The following MKX variants were observed in gnomAD, a reference collection of about 807,000 sequenced individuals.
The protein encoded by MKX is homeobox protein Mohawk.
MKX carries 13 observed loss-of-function variants against 36.0 expected under a neutral mutation model. The observed-to-expected ratio is 0.36, with a 90% confidence interval of 0.24 to 0.57. The LOEUF is 0.57. Among genes scored for constraint, MKX ranks in the 20% least tolerant of loss-of-function variants. MKX has a pLI of 0.79. For synonymous variants in MKX, 176 were observed against 178.3 expected, an observed-to-expected ratio of 0.99 and a Z score of 0.10; for missense variants, 458 against 456.4, an observed-to-expected ratio of 1.00 and a Z score of -0.03.
At chr10:27,739,819 ACT>A (rs1834855644) in intron 3 of MKX, among the ~76,000 whole-genome samples, 2 of 152,200 alleles carry the variant, frequency 1.3e-5, no homozygotes, top group African/African-American at 4.8e-5. Context: ...TATTCAGATA[ACT>A]CTATAAATTA....
At position 27,674,909 on chromosome 10, in the gene MKX, G is replaced by A. The variant is rs552011402; in HGVS notation, c.*320C>T. Reference sequence around the variant, plus strand: ...GCACACAGGCTAATAAGCATATGGCGTTGGCATTTTGAGGCATAGCTTGTT... The same window carrying A: ...GCACACAGGCTAATAAGCATATGGCATTGGCATTTTGAGGCATAGCTTGTT... On this transcript the variant is annotated 3_prime_UTR_variant, in exon 7 of 7. Coordinates refer to ENST00000419761, the MANE Select transcript of MKX (RefSeq NM_173576.3). The A allele has an allele frequency of 7.9e-5, 18 of 226,812 alleles. No individual in the cohort carries two copies. Among genetic ancestry groups the A allele is most frequent in the Non-Finnish European group, 1.1e-4 (13 of 114,540 alleles). The allele number at this position is 226,812 out of a possible 1,614,324, so 14.0% of individuals were successfully genotyped here. A position where few individuals can be genotyped will look rare whatever the true frequency, so the allele number is the denominator to read the frequency against.
rs766353423 is a variant in MKX, at chr10:27,698,264, C to T, written c.839-22710G>A. On this transcript the variant is annotated intron_variant, in intron 5 of 6. Coordinates refer to ENST00000419761, the MANE Select transcript of MKX (RefSeq NM_173576.3). Reference sequence around the variant, plus strand: ...TGTGTGCCAAGATAAGGAAAGTGAACTCTATCCTGACAGGCATGGGGAGTC... The same window carrying T: ...TGTGTGCCAAGATAAGGAAAGTGAATTCTATCCTGACAGGCATGGGGAGTC... Among the ~76,000 whole-genome samples the T allele has an allele frequency of 5.9e-5, 9 of 152,252 alleles. No individual in the cohort carries two copies. In the South Asian group the frequency reaches 1.5e-3, roughly 25 times the overall value.
At chr10:27,690,991 T>C (rs1836444129) in intron 5 of MKX, among the ~76,000 whole-genome samples, 1 of 152,100 alleles carries the variant, frequency 6.6e-6, no homozygotes, top group Non-Finnish European at 1.5e-5. Context: ...CTTGCTCACT[T>C]TTCTCTCTCC....
intron 5 of MKX, among the ~76,000 whole-genome samples, chr10:27,695,410 G>A (rs1836535881): frequency 6.6e-6 from 1 of 151,258 alleles, no homozygotes; most frequent in Admixed American, 6.6e-5. Flanking sequence ...GACAGGAAAG[G>A]AGAGATGCTC....
chr10:27,702,823 C>T (rs1589668861), intron 5 of MKX, among the ~76,000 whole-genome samples: 2 of 152,116 alleles, frequency 1.3e-5, no homozygotes, highest in Non-Finnish European at 2.9e-5. Flanking sequence ...AACAAAAAAT[C>T]TTGAAAAATC....
At chr10:27,703,614 G>C (rs1433105617) in intron 5 of MKX, among the ~76,000 whole-genome samples, 1 of 151,972 alleles carries the variant, frequency 6.6e-6, no homozygotes, top group Non-Finnish European at 1.5e-5. Context: ...AGACTTCCAA[G>C]TTGGCAGGGC....
At chr10:27,676,000 G>A (rs1836140322) in intron 5 of MKX, among the ~76,000 whole-genome samples, 1 of 152,248 alleles carries the variant, frequency 6.6e-6, no homozygotes, top group South Asian at 2.1e-4. Context: ...GCTGGGCACA[G>A]TGGCTCATAT....
chr10:27,684,970 A>G lies in MKX; in HGVS notation c.839-9416T>C, dbSNP rs114349733. On this transcript the variant is annotated intron_variant, in intron 5 of 6. Transcript: ENST00000419761. Reference sequence around the variant, plus strand: ...ATTTATTGAATGCTTATTCTATGCCAGACACTATGCCAGAAACGATACAAA... The same window carrying G: ...ATTTATTGAATGCTTATTCTATGCCGGACACTATGCCAGAAACGATACAAA... Among the ~76,000 whole-genome samples, 1,244 of 152,316 alleles carry G rather than the reference A, an allele frequency of 8.2e-3. 21 individuals carry two copies. The highest frequency in any genetic ancestry group is 0.028 in the African/African-American group (1,151 of 41,566).
chr10:27,683,511 T>C lies in MKX; in HGVS notation c.839-7957A>G, dbSNP rs114337365. On this transcript the variant is annotated intron_variant, in intron 5 of 6. Transcript: ENST00000419761. ...TGCTGTTAAGCAACACATGGCTATA[T>C]TCACCTTGCTCATGAGGACTGGCCT... 7.4e-3 allele frequency among the ~76,000 whole-genome samples: 1,130 copies of C among 152,354 alleles called. 15 individuals are homozygous for C. Among genetic ancestry groups the C allele is most frequent in the African/African-American group, 0.025 (1,054 of 41,586 alleles).
At chr10:27,703,607 C>T (rs990776247) in intron 5 of MKX, among the ~76,000 whole-genome samples, 1 of 152,030 alleles carries the variant, frequency 6.6e-6, no homozygotes, top group African/African-American at 2.4e-5. Context: ...AACTAAAAGA[C>T]TTCCAAGTTG....
At chr10:27,684,956 G>T (rs1013686418) in intron 5 of MKX, among the ~76,000 whole-genome samples, 2 of 152,192 alleles carry the variant, frequency 1.3e-5, no homozygotes, top group African/African-American at 4.8e-5. Flanking sequence ...TTTATTGAAT[G>T]CTTATTCTAT....
rs986979838 is a variant in MKX, at chr10:27,744,492, C to T, written c.-82-995G>A. The stretch of plus-strand genomic sequence containing the variant: ...GGGTCGCGGAGGCCCTGAGCCTCTG[C>T]CTGCCGCGCACCGGCGTCAGGAGCA... On this transcript the variant is annotated intron_variant, in intron 1 of 6. Coordinates refer to ENST00000419761, the MANE Select transcript of MKX (RefSeq NM_173576.3). This position sits in a 1 kb window ranked among gnomAD's most constrained non-coding sequence, Gnocchi z 5.6. Among the ~76,000 whole-genome samples, 1 of 152,044 alleles carries T rather than the reference C, an allele frequency of 6.6e-6. No individual in the cohort carries two copies. Among genetic ancestry groups the T allele is most frequent in the African/African-American group, 2.4e-5 (1 of 41,394 alleles).
chr10:27,716,824 A>G (rs1235255166), intron 5 of MKX, among the ~76,000 whole-genome samples: 3 of 152,162 alleles, frequency 2.0e-5, no homozygotes, highest in Non-Finnish European at 2.9e-5. Context: ...TGACTTTTCA[A>G]CCTGGTATTA....
intron 5 of MKX, among the ~76,000 whole-genome samples, chr10:27,730,419 C>G (rs1474990878): frequency 6.7e-6 from 1 of 150,050 alleles, no homozygotes; most frequent in East Asian, 1.9e-4. Flanking sequence ...AAGTAAAATT[C>G]AGTGATACAT....
rs192915859 is a variant in MKX at position 27,741,363 on chromosome 10, C to A, written c.330G>T (p.Ser110=). 1 of 1,612,628 alleles carries A rather than the reference C, an allele frequency of 6.2e-7. No homozygotes were observed. The highest frequency in any genetic ancestry group is 1.1e-5 in the South Asian group (1 of 90,690). The change falls in exon 3 of 7, where the codon TCG becomes TCT. Residue 110 remains serine (S), a synonymous_variant. Transcript: ENST00000419761. This position sits in a 1 kb window ranked among gnomAD's most constrained non-coding sequence, Gnocchi z 5.1. The part of the protein sequence containing the change: ...KTEKILLALG[S]QMTLVQVSNW... ...TGATTACCTGCACTAGCGTCATCTG[C>A]GAGCCGAGGGCCAAGAGTATCTTCT...
chr10:27,682,554 C>T lies in MKX; in HGVS notation c.839-7000G>A, dbSNP rs991286402. Among the ~76,000 whole-genome samples, 9 of 152,118 alleles carry T rather than the reference C, an allele frequency of 5.9e-5. 1 individual carries two copies. Among genetic ancestry groups the T allele is most frequent in the African/African-American group, 1.4e-4 (6 of 41,414 alleles). Reference sequence around the variant, plus strand: ...TGCATCATTTTTTATTTTTTACTAGCGGTCCTCAACCTTTTTGGCACCAGG... The same window carrying T: ...TGCATCATTTTTTATTTTTTACTAGTGGTCCTCAACCTTTTTGGCACCAGG... On this transcript the variant is annotated intron_variant, in intron 5 of 6. Transcript: ENST00000419761.
intron 3 of MKX, among the ~76,000 whole-genome samples, chr10:27,739,456 A>C (rs555212034): frequency 6.6e-6 from 1 of 152,254 alleles, no homozygotes; most frequent in South Asian, 2.1e-4. Context: ...GCACTAGTGT[A>C]AGAGAAAAAA....
At chr10:27,680,551 T>C (rs1014603123) in intron 5 of MKX, among the ~76,000 whole-genome samples, 3 of 152,128 alleles carry the variant, frequency 2.0e-5, no homozygotes, top group African/African-American at 7.2e-5. Context: ...AGCAAAAAGC[T>C]CTGTGGCCAA....
intron 5 of MKX, among the ~76,000 whole-genome samples, chr10:27,700,677 A>G (rs1222141935): frequency 1.3e-5 from 2 of 151,988 alleles, no homozygotes; most frequent in African/African-American, 4.8e-5. Flanking sequence ...TACTTATTAT[A>G]CTCCCTAGTG....
Sources: gnomAD v4.1 joint callset for allele counts (sites outside exome capture counted in the v4.1 genomes callset) on GRCh38, gnomAD v4.1.1 for gene constraint, Gnocchi (gnomAD v3.1) non-coding constraint, MANE v1.5 for transcripts, NCBI Gene and HGNC (gene_info 2026-07-23, HGNC 2026-07-21) for gene names.